INSYN2B: variants seen among roughly 807,000 people sequenced by gnomAD.
INSYN2B encodes inhibitory synaptic factor family member 2B, also known as protein INSYN2B.
Under a neutral mutation model 41.2 loss-of-function variants are expected in INSYN2B, and 16 were observed. The observed-to-expected ratio is 0.39, with a 90% CI of 0.26 to 0.59. The LOEUF is 0.59. INSYN2B is among the 20% of genes least tolerant of loss of function. The pLI is 0.57. For missense variants in INSYN2B, 608 were observed against 646.4 expected (o/e 0.94, Z 0.64); for synonymous variants, 245 against 244.4 (o/e 1.00, Z -0.02).
chr5:169,971,138 G>A (rs1777489890), intron 1 of INSYN2B, among the ~76,000 whole-genome samples: 1 of 151,256 alleles, frequency 6.6e-6, no homozygotes, highest in Non-Finnish European at 1.5e-5. Context: ...ACAGGGAAGT[G>A]GGACAAATGT....
At chr5:169,909,988 T>C (rs531301372) in intron 1 of INSYN2B, among the ~76,000 whole-genome samples, 58 of 152,320 alleles carry the variant, frequency 3.8e-4, no homozygotes, top group African/African-American at 1.3e-3. Context: ...GCATTTTTTT[T>C]AATGACTCTG....
At chr5:169,882,346 T>C (rs1357067719) in intron 2 of INSYN2B, among the ~76,000 whole-genome samples, 1 of 152,098 alleles carries the variant, frequency 6.6e-6, no homozygotes, top group Non-Finnish European at 1.5e-5. Flanking sequence ...CAAACAGCAG[T>C]AGAAATCCAC....
At chr5:169,979,624 G>GA (rs925984750) in intron 1 of INSYN2B, among the ~76,000 whole-genome samples, 11 of 151,728 alleles carry the variant, frequency 7.2e-5, no homozygotes, top group African/African-American at 2.7e-4. Context: ...CACCATAGCA[G>GA]AAAAAAAAGA....
At chr5:169,958,660 G>C (rs1380734718) in intron 1 of INSYN2B, among the ~76,000 whole-genome samples, 2 of 151,898 alleles carry the variant, frequency 1.3e-5, no homozygotes, top group African/African-American at 4.8e-5. Context: ...TTTTAAGATT[G>C]AGTGTTAGGC....
intron 1 of INSYN2B, among the ~76,000 whole-genome samples, chr5:169,900,094 C>T (rs1423802482): frequency 3.3e-5 from 5 of 152,200 alleles, no homozygotes; most frequent in Admixed American, 3.3e-4. Flanking sequence ...CTACTAAGCA[C>T]CCACTATGTG....
At chr5:169,891,014 C>G (rs1287675203) in intron 1 of INSYN2B, among the ~76,000 whole-genome samples, 3 of 152,230 alleles carry the variant, frequency 2.0e-5, no homozygotes, top group Non-Finnish European at 4.4e-5. Flanking sequence ...CCATAACTTT[C>G]AGGGCCACAA....
At chr5:169,937,985 C>T (rs755039498) in intron 1 of INSYN2B, among the ~76,000 whole-genome samples, 2 of 152,284 alleles carry the variant, frequency 1.3e-5, no homozygotes, top group Non-Finnish European at 2.9e-5. Context: ...TATGGCCAGA[C>T]AGATAGTGAA....
chr5:169,942,230 T>C (rs896504354), intron 1 of INSYN2B, among the ~76,000 whole-genome samples: 3 of 152,214 alleles, frequency 2.0e-5, no homozygotes, highest in Non-Finnish European at 2.9e-5. Flanking sequence ...AAAAATCAAC[T>C]GTCAAGGCAA....
At chr5:169,968,068 G>T (rs569526390) in intron 1 of INSYN2B, among the ~76,000 whole-genome samples, 6 of 152,218 alleles carry the variant, frequency 3.9e-5, no homozygotes, top group African/African-American at 7.2e-5. Flanking sequence ...GGATGCATAA[G>T]TCTGAAGCTT....
intron 1 of INSYN2B, among the ~76,000 whole-genome samples, chr5:169,935,470 G>C (rs60483278): frequency 2.0e-5 from 3 of 152,060 alleles, no homozygotes; most frequent in African/African-American, 7.3e-5. Context: ...GGTGGAGTTC[G>C]GGTTGAGAGC....
chr5:169,926,018 G>T (rs530837071), intron 1 of INSYN2B, among the ~76,000 whole-genome samples: 12 of 152,264 alleles, frequency 7.9e-5, no homozygotes, highest in Non-Finnish European at 1.6e-4. Context: ...TCCATGGCAG[G>T]ATGTCGTCAG....
At chr5:169,972,392 C>T (rs1249354096) in intron 1 of INSYN2B, among the ~76,000 whole-genome samples, 1 of 152,102 alleles carries the variant, frequency 6.6e-6, no homozygotes, top group African/African-American at 2.4e-5. Context: ...TGGGGGCTAT[C>T]CTATGTATTG....
intron 1 of INSYN2B, among the ~76,000 whole-genome samples, chr5:169,959,878 G>A (rs979710787): frequency 6.6e-6 from 1 of 152,218 alleles, no homozygotes; most frequent in Non-Finnish European, 1.5e-5. Flanking sequence ...CAGGAAAAGA[G>A]GAAACAGAAG....
At chr5:169,900,480 G>A (rs1274614768) in intron 1 of INSYN2B, among the ~76,000 whole-genome samples, 1 of 152,172 alleles carries the variant, frequency 6.6e-6, no homozygotes, top group Non-Finnish European at 1.5e-5. Flanking sequence ...CAGGAGGCAT[G>A]GCATGAAGGA....
chr5:169,900,290 A>C (rs1208497871), intron 1 of INSYN2B, among the ~76,000 whole-genome samples: 1 of 152,162 alleles, frequency 6.6e-6, no homozygotes, highest in Admixed American at 6.5e-5. Flanking sequence ...CCCCTGATGG[A>C]GGGGACATCT....
At chr5:169,879,146 G>A (rs528609049) in intron 3 of INSYN2B, among the ~76,000 whole-genome samples, 1 of 152,292 alleles carries the variant, frequency 6.6e-6, no homozygotes, top group East Asian at 1.9e-4. Flanking sequence ...GGCTAATTTA[G>A]CAGCAACATC....
intron 1 of INSYN2B, among the ~76,000 whole-genome samples, chr5:169,931,602 T>C (rs776858500): frequency 2.0e-5 from 3 of 152,248 alleles, no homozygotes; most frequent in Non-Finnish European, 2.9e-5. Flanking sequence ...TGTTTGACTT[T>C]GGCAAACTGA....
Position 169,872,620 on chromosome 5 carries a change from A to G in INSYN2B, c.1422-8161T>C, listed in dbSNP as rs550958196. ...CTCTGCTGATAGCTATATCTGAAAG[A>G]AATCTGTGTTTTGGGTTCTGTGACT... On this transcript the variant is annotated intron_variant, in intron 3 of 3. Coordinates refer to ENST00000377365, the MANE Select transcript of INSYN2B (RefSeq NM_001129891.3). Among the ~76,000 whole-genome samples, 6 of 152,328 alleles carry G rather than the reference A, an allele frequency of 3.9e-5. No homozygotes were observed. In the South Asian group the frequency reaches 1.2e-3, roughly 32 times the overall value.
At chr5:169,903,120 G>A (rs1412908365) in intron 1 of INSYN2B, among the ~76,000 whole-genome samples, 3 of 151,416 alleles carry the variant, frequency 2.0e-5, no homozygotes, top group African/African-American at 7.3e-5. Flanking sequence ...AGAAAGGGGT[G>A]AATTTCAATG....
Sources: allele counts gnomAD v4.1 joint callset (sites outside exome capture counted in the v4.1 genomes callset), GRCh38; gene constraint gnomAD v4.1.1; transcripts MANE v1.5; gene names NCBI Gene and HGNC (gene_info 2026-07-23, HGNC 2026-07-21).